The following ARHGAP45 variants were observed in gnomAD, a reference collection of about 807,000 sequenced individuals.
The protein encoded by ARHGAP45 is rho GTPase-activating protein 45.
In ARHGAP45, 56 loss-of-function variants were observed where a neutral mutation model predicts 116.1. The observed-to-expected ratio is 0.48, with a 90% CI of 0.39 to 0.60. The LOEUF is 0.60. Among genes scored for constraint, ARHGAP45 ranks in the 20% least tolerant of loss-of-function variants. The pLI is 0.00. For missense variants in ARHGAP45, 1,622 were observed against 1,601.0 expected, an observed-to-expected ratio of 1.01 and a Z score of -0.22; for synonymous variants, 866 against 701.7, an observed-to-expected ratio of 1.23 and a Z score of -3.70.
intron 11 of ARHGAP45, among the ~76,000 whole-genome samples, chr19:1,078,862 G>A (rs371654335): frequency 9.1e-4 from 138 of 151,762 alleles, no homozygotes; most frequent in Middle Eastern, 6.8e-3. Flanking sequence ...GACCACAGGC[G>A]TGTGCCGCCA....
chr19:1,075,102 G>T (rs182459799), intron 10 of ARHGAP45, among the ~76,000 whole-genome samples: 1 of 151,834 alleles, frequency 6.6e-6, no homozygotes, highest in Non-Finnish European at 1.5e-5. Flanking sequence ...GGACCCAGGA[G>T]CCCGGCGCTC....
At chr19:1,083,495 G>A in intron 21 of ARHGAP45, 142 bp downstream of exon 21, 2 of 686,958 alleles carry the variant, frequency 2.9e-6, no homozygotes, top group Non-Finnish European at 4.9e-6. Flanking sequence ...GGAGGCCACT[G>A]TCTTTTTGTG....
chr19:1,074,295 G>A (rs1195143373), intron 7 of ARHGAP45, 48 bp from the exon 8 acceptor site: 8 of 1,611,980 alleles, frequency 5.0e-6, no homozygotes, highest in East Asian at 2.2e-5. Context: ...TTCTGGGTGA[G>A]CTGGGAAGGC....
chr19:1,071,378 G>A lies in ARHGAP45; in HGVS notation c.422-1771G>A. 6.3e-6 allele frequency: 8 copies of A among 1,274,602 alleles called. No individual in the cohort carries two copies. The highest frequency in any genetic ancestry group is 7.9e-6 in the Non-Finnish European group (8 of 1,009,042). The allele number at this position is 1,274,602 out of a possible 1,614,324, so 79.0% of individuals were successfully genotyped here. The stretch of plus-strand genomic sequence containing the variant: ...CCCGAGGTGAGGGGACAGGTGCCGG[G>A]CGCTGGGTCCCGCCGCGTCCGGGAG... On this transcript the variant is annotated intron_variant, in intron 2 of 22. Coordinates refer to ENST00000313093, the MANE Select transcript of ARHGAP45 (RefSeq NM_012292.5). This position sits in a 1 kb window ranked among gnomAD's most constrained non-coding sequence, Gnocchi z 4.6.
Position 1,077,842 on chromosome 19 carries a change from C to G in ARHGAP45, c.1186-15C>G. 6.4e-7 allele frequency: 1 copy of G among 1,551,796 alleles called. No homozygotes were observed. Among genetic ancestry groups the G allele is most frequent in the East Asian group, 2.4e-5 (1 of 40,982 alleles). ...GATAGGGTTGGAACTGGCCTCCTGG[C>G]TCCCACACCCACAGCAAGAGGCGGA... On this transcript the variant is annotated splice_polypyrimidine_tract_variant and intron_variant, in intron 10 of 22. Transcript: ENST00000313093.
chr19:1,066,404 G>T, upstream of ARHGAP45: 1 of 558,406 alleles, frequency 1.8e-6, no homozygotes, highest in Non-Finnish European at 3.2e-6. Context: ...CAGCACGTCC[G>T]GTGGTCCAGA....
rs1188197035 is a variant in ARHGAP45 at position 1,071,799 on chromosome 19, G to A, written c.422-1350G>A. ...TCTTCCCGGAGGTGACATTCACCTG[G>A]GGTCTTCGGTGCCGAAAGGGATGGG... On this transcript the variant is annotated intron_variant, in intron 2 of 22. Transcript: ENST00000313093. This position sits in a 1 kb window ranked among gnomAD's most constrained non-coding sequence, Gnocchi z 4.6. 2.0e-5 allele frequency: 3 copies of A among 152,202 alleles called. No individual in the cohort carries two copies. Among genetic ancestry groups the A allele is most frequent in the Non-Finnish European group, 4.4e-5 (3 of 68,064 alleles). 9.4% of individuals were successfully genotyped at this position (152,202 alleles called of 1,614,324 possible).
rs540237419 is a variant in ARHGAP45 at position 1,071,999 on chromosome 19, T to G, written c.422-1150T>G. ...TGTGCCTGGCTCTCGATGTTTCGCC[T>G]GTACTCTCTGCTTTTTTCTTTTCTT... On this transcript the variant is annotated intron_variant, in intron 2 of 22. Transcript: ENST00000313093. This position sits in a 1 kb window ranked among gnomAD's most constrained non-coding sequence, Gnocchi z 4.6. Among the ~76,000 whole-genome samples the G allele has an allele frequency of 2.6e-5, 4 of 152,134 alleles. No individual in the cohort carries two copies. Among genetic ancestry groups the G allele is most frequent in the Non-Finnish European group, 2.9e-5 (2 of 68,034 alleles).
At chr19:1,084,584 A>G (rs10426894) in intron 22 of ARHGAP45, among the ~76,000 whole-genome samples, 6,713 of 152,268 alleles carry the variant, frequency 0.044, 206 homozygotes, top group African/African-American at 0.091. Context: ...GAAACCAGTA[A>G]CGTGAACGTG....
chr19:1,074,894 CGGGGGCGGGCGGGG>C lies in ARHGAP45; in HGVS notation c.1185+17_1185+30del. ...AGAGGAAGCTGGTGAGGCGGGCGGGCGGGGGCGGGCGGGGGCGGGCAGCGGGCCTCGGCGCAGGC... is the reference window on the plus strand; with the variant it reads ...AGAGGAAGCTGGTGAGGCGGGCGGGCGCGGGCAGCGGGCCTCGGCGCAGGC... On this transcript the variant is annotated intron_variant, in intron 10 of 22. Transcript: ENST00000313093. The C allele has an allele frequency of 1.9e-5, 1 of 53,008 alleles. No individual in the cohort carries two copies. The highest frequency in any genetic ancestry group is 7.8e-4 in the East Asian group (1 of 1,274). 3.3% of individuals were successfully genotyped at this position (53,008 alleles called of 1,614,324 possible).
At chr19:1,083,856 TCA>T (rs1599774435) in intron 21 of ARHGAP45, among the ~76,000 whole-genome samples, 1 of 152,220 alleles carries the variant, frequency 6.6e-6, no homozygotes, top group Non-Finnish European at 1.5e-5. Flanking sequence ...TTCTCCTGCC[TCA>T]GTCTCCCGCG....
chr19:1,085,104 G>A (rs140071576), intron 22 of ARHGAP45, among the ~76,000 whole-genome samples: 2 of 152,256 alleles, frequency 1.3e-5, no homozygotes, highest in East Asian at 3.9e-4. Context: ...CTGAGACTGG[G>A]CAATTTACAA....
In ARHGAP45 at chr19:1,079,698, C is replaced by A; in HGVS notation, c.1375-5C>A. On this transcript the variant is annotated splice_polypyrimidine_tract_variant and splice_region_variant and intron_variant, in intron 11 of 22. Transcript: ENST00000313093. Reference sequence around the variant, plus strand: ...CTCTCTCTGTGCGCCCCGCCCCCACCGCAGGCGGAGGAAGCTATGGCCACC... The same window carrying A: ...CTCTCTCTGTGCGCCCCGCCCCCACAGCAGGCGGAGGAAGCTATGGCCACC... 1 of 1,612,326 alleles carries A rather than the reference C, an allele frequency of 6.2e-7. No homozygotes were observed. Among genetic ancestry groups the A allele is most frequent in the Non-Finnish European group, 8.5e-7 (1 of 1,179,590 alleles).
chr19:1,082,395 G>A, intron 19 of ARHGAP45: 1 of 309,622 alleles, frequency 3.2e-6, no homozygotes, highest in South Asian at 4.5e-5. Context: ...GTGCGGGGCT[G>A]GCGGTGGGGC....
chr19:1,081,127 G>A (rs1028550070), intron 17 of ARHGAP45, 63 bp downstream of exon 17: 7 of 1,494,532 alleles, frequency 4.7e-6, no homozygotes, highest in African/African-American at 4.1e-5. Flanking sequence ...GCCCAGCACC[G>A]CCGGCCTGTG....
At chr19:1,077,027 C>A (rs963664977) in intron 10 of ARHGAP45, 25 of 985,332 alleles carry the variant, frequency 2.5e-5, no homozygotes, top group Non-Finnish European at 3.0e-5. Context: ...TGGCGCCTGG[C>A]GGTCTCCTAG....
chr19:1,079,226 T>C lies in ARHGAP45; in HGVS notation c.1375-477T>C, dbSNP rs146744415. 3.2e-3 allele frequency among the ~76,000 whole-genome samples: 457 copies of C among 141,662 alleles called. 2 individuals carry two copies. Among genetic ancestry groups the C allele is most frequent in the African/African-American group, 0.012 (437 of 37,938 alleles). The allele number at this position is 141,662 out of a possible 152,430, so 92.9% of individuals were successfully genotyped here. A position where few individuals can be genotyped will look rare whatever the true frequency, so the allele number is the denominator to read the frequency against. On this transcript the variant is annotated intron_variant, in intron 11 of 22. Transcript: ENST00000313093. ...ATAAAGATGGGGGTCTCAGGCTGAG[T>C]GTGGTGGCTCACACCTGTAATCCCA...
Position 1,077,906 on chromosome 19 carries a change from G to C in ARHGAP45, c.1235G>C (p.Arg412Pro). The C allele has an allele frequency of 6.4e-7, 1 of 1,554,468 alleles. No individual in the cohort carries two copies. The change falls in exon 11 of 23, where the codon CGC (arginine) becomes CCC (proline). Residue 412 changes from arginine (R) to proline (P), a missense_variant. Arg to Pro is a moderately radical substitution (Grantham distance 103, BLOSUM62 -2). Around this residue, in one of 3 missense-constraint regions of ARHGAP45, gnomAD observed 1,334 missense variants for 1,263.8 expected, o/e 1.06. Transcript: ENST00000313093. ...AAGGCCAAGCAGGGTTACGTGCAGCGCTGCGAGGACCACGACAAGGCTCGC... is the reference window on the plus strand; with the variant it reads ...AAGGCCAAGCAGGGTTACGTGCAGCCCTGCGAGGACCACGACAAGGCTCGC... The part of the protein sequence containing the change: ...LRKAKQGYVQ[R>P]CEDHDKARFL...
chr19:1,083,497 C>A lies in ARHGAP45; in HGVS notation c.2955+144C>A, dbSNP rs139322501. ...ACAGGGCTGTTCGGGAGGCCACTGT[C>A]TTTTTGTGTCTTTTATGCAAAAAAC... On this transcript the variant is annotated intron_variant, in intron 21 of 22. Transcript: ENST00000313093. 2,223 of 689,552 alleles carry A rather than the reference C, an allele frequency of 3.2e-3. 3 individuals are homozygous for A. The highest frequency in any genetic ancestry group is 4.5e-3 in the Non-Finnish European group (1,837 of 412,504). The allele number at this position is 689,552 out of a possible 1,614,324, so 42.7% of individuals were successfully genotyped here.
Sources: gnomAD v4.1 joint callset for allele counts (sites outside exome capture counted in the v4.1 genomes callset) on GRCh38, gnomAD v4.1.1 for gene constraint, gnomAD v4.1.1 regional missense constraint, Gnocchi (gnomAD v3.1) non-coding constraint, MANE v1.5 for transcripts, NCBI Gene and HGNC (gene_info 2026-07-23, HGNC 2026-07-21) for gene names.